Variants in LINGO2 observed in about 807,000 individuals in gnomAD.
LINGO2 encodes the protein leucine-rich repeat and immunoglobulin-like domain-containing nogo receptor-interacting protein 2.
LINGO2 carries 14 observed loss-of-function variants against 30.6 expected under a neutral mutation model. The ratio of observed to expected loss-of-function variants is 0.46; its 90% CI spans 0.30 to 0.72. LINGO2 has a LOEUF of 0.72. Ranked by LOEUF, LINGO2 falls within the 30% of genes least tolerant of loss-of-function variation. The pLI is 0.07. For synonymous variants in LINGO2, 317 were observed against 288.5 expected, an observed-to-expected ratio of 1.10 and a Z score of -1.00; for missense variants, 729 against 751.7, an observed-to-expected ratio of 0.97 and a Z score of 0.35.
chr9:28,840,570 G>A, the LINGO2 span, among the ~76,000 whole-genome samples: 3 of 151,760 alleles, frequency 2.0e-5, no homozygotes, highest in Non-Finnish European at 2.9e-5. Flanking sequence ...TCCCATAGAA[G>A]CTACAGCTTC....
At chr9:29,179,292 A>G in the LINGO2 span, among the ~76,000 whole-genome samples, 3 of 150,464 alleles carry the variant, frequency 2.0e-5, no homozygotes, top group Non-Finnish European at 4.4e-5. Flanking sequence ...ATTGCTGCCT[A>G]TAGTCCCAGG....
intron 4 of LINGO2, among the ~76,000 whole-genome samples, chr9:28,213,736 T>C (rs574840457): frequency 6.6e-6 from 1 of 151,628 alleles, no homozygotes; most frequent in South Asian, 2.1e-4. Context: ...ACATCATAAA[T>C]ATTCTCAGTG....
At chr9:28,317,154 G>A (rs1229214074) in intron 3 of LINGO2, among the ~76,000 whole-genome samples, 1 of 152,160 alleles carries the variant, frequency 6.6e-6, no homozygotes, top group East Asian at 1.9e-4. Context: ...GAGGTCTGAA[G>A]ATTCGGCTCA....
chr9:29,083,187 T>G, the LINGO2 span, among the ~76,000 whole-genome samples: 1 of 152,152 alleles, frequency 6.6e-6, no homozygotes, highest in South Asian at 2.1e-4. Flanking sequence ...CCAACCCAAA[T>G]GTCCATCAAT....
At chr9:28,375,635 G>A (rs1821100545) in intron 2 of LINGO2, among the ~76,000 whole-genome samples, 1 of 152,200 alleles carries the variant, frequency 6.6e-6, no homozygotes, top group African/African-American at 2.4e-5. Context: ...TCCTAAAGAT[G>A]TGGTAAATTC....
intron 1 of LINGO2, among the ~76,000 whole-genome samples, chr9:28,581,274 A>G (rs748058515): frequency 6.6e-6 from 1 of 151,590 alleles, no homozygotes; most frequent in African/African-American, 2.4e-5. Flanking sequence ...ATGCCCAACA[A>G]CTGCATCTCT....
At chr9:28,602,484 AT>A (rs1825528593) in intron 1 of LINGO2, among the ~76,000 whole-genome samples, 1 of 152,100 alleles carries the variant, frequency 6.6e-6, no homozygotes. Context: ...TTTCTGATAC[AT>A]CAAGTTGCAG....
the LINGO2 span, among the ~76,000 whole-genome samples, chr9:28,905,503 C>G: frequency 6.6e-6 from 1 of 151,686 alleles, no homozygotes; most frequent in East Asian, 1.9e-4. Context: ...AAATAATTGT[C>G]AAAAGAAGAT....
the LINGO2 span, among the ~76,000 whole-genome samples, chr9:28,824,028 G>T: frequency 6.6e-6 from 1 of 152,090 alleles, no homozygotes; most frequent in Non-Finnish European, 1.5e-5. Context: ...GTATCACATG[G>T]AACAGAGTAA....
intron 4 of LINGO2, among the ~76,000 whole-genome samples, chr9:28,201,166 C>T (rs1191171000): frequency 4.0e-5 from 6 of 149,108 alleles, no homozygotes; most frequent in African/African-American, 5.0e-5. Context: ...CATGCTGGTG[C>T]GCTGCACCCA....
rs1554729666 is a variant in LINGO2 at position 28,506,515 on chromosome 9, T to TATATATATATAGATATATAG, written c.-364-30491_-364-30490insCTATATATCTATATATATAT. 7.0e-5 allele frequency among the ~76,000 whole-genome samples: 7 copies of TATATATATATAGATATATAG among 100,596 alleles called. No homozygotes were observed. In the East Asian group the frequency reaches 9.1e-4, roughly 13 times the overall value. 66.0% of individuals were successfully genotyped at this position (100,596 alleles called of 152,430 possible). ...ACACACACACACAGACATATATATATATATATAAACTGTTGGGGACTAAGT... is the reference window on the plus strand; with the variant it reads ...ACACACACACACAGACATATATATATATATATATATAGATATATAGATATATAAACTGTTGGGGACTAAGT... On this transcript the variant is annotated intron_variant, in intron 1 of 5. Coordinates refer to ENST00000379992, the Ensembl canonical transcript of LINGO2.
chr9:28,140,026 A>T (rs1587067480), intron 4 of LINGO2, among the ~76,000 whole-genome samples: 1 of 152,240 alleles, frequency 6.6e-6, no homozygotes, highest in Non-Finnish European at 1.5e-5. Flanking sequence ...GCATACAGAC[A>T]TATACAATTA....
intron 4 of LINGO2, among the ~76,000 whole-genome samples, chr9:28,149,489 G>A (rs1043246712): frequency 2.0e-4 from 30 of 151,210 alleles, no homozygotes; most frequent in African/African-American, 4.1e-4. Flanking sequence ...GGGAAGTGAC[G>A]AGCGCCTCTG....
chr9:28,165,496 A>C (rs1211155724), intron 4 of LINGO2, among the ~76,000 whole-genome samples: 4 of 152,198 alleles, frequency 2.6e-5, no homozygotes, highest in Non-Finnish European at 4.4e-5. Context: ...AACAGAAAAA[A>C]TTGTCCTCGT....
At chr9:28,054,396 T>G (rs1254333245) in intron 4 of LINGO2, among the ~76,000 whole-genome samples, 2 of 152,196 alleles carry the variant, frequency 1.3e-5, no homozygotes, top group South Asian at 2.1e-4. Flanking sequence ...TAGTAGCTGA[T>G]GAGATGGAAC....
the LINGO2 span, among the ~76,000 whole-genome samples, chr9:28,678,144 A>T: frequency 4.9e-4 from 4 of 8,084 alleles, no homozygotes; most frequent in Non-Finnish European, 7.8e-4. Flanking sequence ...TTTGAATATT[A>T]AAAAAAAAAA....
the LINGO2 span, among the ~76,000 whole-genome samples, chr9:28,861,711 C>T: frequency 2.6e-4 from 39 of 152,050 alleles, no homozygotes; most frequent in Admixed American, 7.2e-4. Context: ...CTGAAGTGAG[C>T]TATGATTGCA....
intron 4 of LINGO2, among the ~76,000 whole-genome samples, chr9:28,207,858 A>T (rs899178782): frequency 1.3e-5 from 2 of 152,118 alleles, no homozygotes; most frequent in African/African-American, 4.8e-5. Flanking sequence ...GAAAACTGAA[A>T]GAGAAAGAGG....
At chr9:28,510,250 A>G (rs934656321) in intron 1 of LINGO2, among the ~76,000 whole-genome samples, 2 of 152,202 alleles carry the variant, frequency 1.3e-5, no homozygotes, top group Non-Finnish European at 2.9e-5. Context: ...AAACCCACAT[A>G]AAACTTTTCA....
Sources: gnomAD v4.1 joint callset for allele counts (sites outside exome capture counted in the v4.1 genomes callset) on GRCh38, gnomAD v4.1.1 for gene constraint, MANE v1.5 for transcripts, NCBI Gene and HGNC (gene_info 2026-07-23, HGNC 2026-07-21) for gene names.